FREM2: variants seen among roughly 807,000 people sequenced by gnomAD.
FREM2 encodes the protein FRAS1-related extracellular matrix protein 2.
A neutral mutation model predicts 219.9 loss-of-function variants in FREM2; 119 were observed. That is an observed-to-expected ratio of 0.54 (90% CI 0.47 to 0.63). The LOEUF (loss-of-function observed/expected upper bound fraction) is 0.63. FREM2 is among the 30% of genes least tolerant of loss of function. The pLI, the probability that FREM2 is intolerant of heterozygous loss-of-function variation, is 0.00. For synonymous variants in FREM2, 1,562 were observed against 1,522.8 expected (o/e 1.03, Z -0.60); for missense variants, 4,030 against 3,993.6 (o/e 1.01, Z -0.25).
intron 2 of FREM2, among the ~76,000 whole-genome samples, chr13:38,737,161 C>A (rs1379014297): frequency 6.6e-6 from 1 of 152,126 alleles, no homozygotes; most frequent in Non-Finnish European, 1.5e-5. Flanking sequence ...GACTATGTCA[C>A]CTTCATTTTT....
chr13:38,876,553 G>A (rs1326012271), intron 20 of FREM2, among the ~76,000 whole-genome samples, 171 bp downstream of exon 20: 3 of 152,122 alleles, frequency 2.0e-5, no homozygotes, highest in African/African-American at 4.8e-5. Flanking sequence ...GGAGAGATTT[G>A]CCCTTTATCT....
intron 11 of FREM2, 100 bp downstream of exon 11, chr13:38,851,968 C>A (rs938661423): frequency 1.9e-6 from 2 of 1,045,928 alleles, no homozygotes; most frequent in Non-Finnish European, 3.0e-6. Flanking sequence ...CAATTGAAAT[C>A]AAAATAGGGC....
chr13:38,727,031 G>T lies in FREM2; in HGVS notation c.5263+29244G>T, dbSNP rs1008127653. Reference sequence around the variant, plus strand: ...AAAATTCTTTATTGAATCTAATTAGGGTGCGAAGAAAGTATTGTTTTAATT... The same window carrying T: ...AAAATTCTTTATTGAATCTAATTAGTGTGCGAAGAAAGTATTGTTTTAATT... On this transcript the variant is annotated intron_variant, in intron 2 of 23. Transcript: ENST00000280481. 5.9e-5 allele frequency among the ~76,000 whole-genome samples: 9 copies of T among 152,152 alleles called. No individual in the cohort carries two copies. The East Asian group carries it at 1.7e-3, about 29-fold the overall frequency.
chr13:38,817,372 A>C (rs531843003), intron 6 of FREM2, among the ~76,000 whole-genome samples: 1 of 152,238 alleles, frequency 6.6e-6, no homozygotes, highest in Admixed American at 6.5e-5. Context: ...AGACACATAG[A>C]CCAATGGAAT....
intron 4 of FREM2, among the ~76,000 whole-genome samples, chr13:38,777,884 C>T (rs1873937708): frequency 6.6e-6 from 1 of 152,176 alleles, no homozygotes; most frequent in South Asian, 2.1e-4. Flanking sequence ...GATACTGGGC[C>T]TATTTACTCT....
rs74488708 is a variant in FREM2, at chr13:38,811,100, G to C, written c.6019+26292G>C. Among the ~76,000 whole-genome samples the C allele has an allele frequency of 6.9e-3, 1,049 of 151,552 alleles. 9 individuals carry two copies. The highest frequency in any genetic ancestry group is 0.024 in the African/African-American group (1,003 of 41,368). The stretch of plus-strand genomic sequence containing the variant: ...TTTCTTCTCTGTTTTCCAATTTATT[G>C]GCATATGGTTACTCATAGTCACTAA... On this transcript the variant is annotated intron_variant, in intron 6 of 23. Coordinates refer to ENST00000280481, the MANE Select transcript of FREM2 (RefSeq NM_207361.6).
chr13:38,762,354 A>C (rs1205139540), intron 2 of FREM2, among the ~76,000 whole-genome samples: 1 of 152,196 alleles, frequency 6.6e-6, no homozygotes, highest in Non-Finnish European at 1.5e-5. Flanking sequence ...GACATTGGGC[A>C]TAGTAAGTTT....
At chr13:38,789,367 A>G (rs773425521) in intron 6 of FREM2, among the ~76,000 whole-genome samples, 2 of 151,858 alleles carry the variant, frequency 1.3e-5, no homozygotes, top group Non-Finnish European at 2.9e-5. Context: ...AATTAATTAT[A>G]TTATCATAAA....
Position 38,742,468 on chromosome 13 carries a change from C to T in FREM2, c.5264-21836C>T, listed in dbSNP as rs538597490. On this transcript the variant is annotated intron_variant, in intron 2 of 23. Coordinates refer to ENST00000280481, the MANE Select transcript of FREM2 (RefSeq NM_207361.6). ...TCCCTGGCAGTATCGATTTTTGGGTCTTCCATGGTCCTTAGGTACAAATCA... is the reference window on the plus strand; with the variant it reads ...TCCCTGGCAGTATCGATTTTTGGGTTTTCCATGGTCCTTAGGTACAAATCA... Among the ~76,000 whole-genome samples the T allele has an allele frequency of 1.3e-4, 20 of 152,266 alleles. No individual in the cohort carries two copies. The South Asian group carries it at 4.1e-3, about 32-fold the overall frequency.
At chr13:38,860,573 A>G (rs946827679) in intron 14 of FREM2, among the ~76,000 whole-genome samples, 2 of 152,246 alleles carry the variant, frequency 1.3e-5, no homozygotes, top group African/African-American at 4.8e-5. Flanking sequence ...TCTCTCTTTT[A>G]ATAAATCAGA....
chr13:38,711,942 G>A (rs866120488), intron 2 of FREM2, among the ~76,000 whole-genome samples: 7 of 143,074 alleles, frequency 4.9e-5, no homozygotes, highest in Middle Eastern at 3.6e-3. Flanking sequence ...TTTTTTTGAG[G>A]GGATTCTCGC....
chr13:38,783,473 TAAAAAAAAAAAA>T (rs141521145), intron 5 of FREM2, among the ~76,000 whole-genome samples: 1 of 124,064 alleles, frequency 8.1e-6, no homozygotes, highest in Admixed American at 8.2e-5. Flanking sequence ...GGTTACTATA[TAAAAAAAAAAAA>T]AAAAAAAAAG....
chr13:38,837,495 TG>T (rs1876758409), intron 6 of FREM2, among the ~76,000 whole-genome samples: 2 of 152,172 alleles, frequency 1.3e-5, no homozygotes, highest in East Asian at 3.9e-4. Flanking sequence ...TGAATATCCT[TG>T]TTAATTTTCT....
At chr13:38,738,590 A>AG (rs1566123283) in intron 2 of FREM2, among the ~76,000 whole-genome samples, 1,694 of 147,258 alleles carry the variant, frequency 0.012, 48 homozygotes, top group African/African-American at 0.042. Flanking sequence ...AAAAAAAAAA[A>AG]AGAGAGATAG....
intron 2 of FREM2, among the ~76,000 whole-genome samples, chr13:38,741,344 C>G (rs928923138): frequency 3.3e-5 from 5 of 152,154 alleles, no homozygotes; most frequent in Non-Finnish European, 7.4e-5. Context: ...GCTCTCTTAA[C>G]ATATTTTCAA....
At position 38,731,409 on chromosome 13, in the gene FREM2, A is replaced by G. The variant is rs139765934; in HGVS notation, c.5264-32895A>G. 9.7e-3 allele frequency among the ~76,000 whole-genome samples: 1,478 copies of G among 152,300 alleles called. 20 individuals carry two copies. The highest frequency in any genetic ancestry group is 0.033 in the African/African-American group (1,392 of 41,570). On this transcript the variant is annotated intron_variant, in intron 2 of 23. Coordinates refer to ENST00000280481, the MANE Select transcript of FREM2 (RefSeq NM_207361.6). ...ACCAGTGAATATTGGCCAAGAAGCA[A>G]GTTTTCTGTTGAATGCATTAGCTTG...
chr13:38,785,216 G>A (rs951532668), intron 6 of FREM2, among the ~76,000 whole-genome samples: 8 of 151,900 alleles, frequency 5.3e-5, no homozygotes, highest in Admixed American at 3.3e-4. Context: ...GAAACCTGTC[G>A]GGCAAGGCTG....
chr13:38,692,237 T>G lies in FREM2; in HGVS notation c.4893T>G (p.Phe1631Leu), dbSNP rs1417321439. ...GCACCCATACAGACTTCTATGTTTT[T>G]CCTGATACGGTGTTTGAAACAAGGA... is the stretch of plus-strand genomic sequence containing the variant. ...TDGTHTDFYVFPDTVFETRRP... is the reference protein window; with the variant it reads ...TDGTHTDFYVLPDTVFETRRP... Residue 1631 changes from phenylalanine (F) to leucine (L), a missense_variant, in exon 1 of 24, where the codon TTT (phenylalanine) becomes TTG (leucine). This residue lies in a region of FREM2 where 3,102 missense variants were observed against 2,950.7 expected (regional missense o/e 1.05). Transcript: ENST00000280481. 1 of 1,614,212 alleles carries G rather than the reference T, an allele frequency of 6.2e-7. No homozygotes were observed. The highest frequency in any genetic ancestry group is 8.5e-7 in the Non-Finnish European group (1 of 1,180,042).
At chr13:38,695,552 G>C (rs1461199439) in intron 1 of FREM2, among the ~76,000 whole-genome samples, 1 of 152,172 alleles carries the variant, frequency 6.6e-6, no homozygotes, top group East Asian at 1.9e-4. Flanking sequence ...ATGCTAAACA[G>C]TGCCTTTTCT....
Sources: gnomAD v4.1 joint callset for allele counts (sites outside exome capture counted in the v4.1 genomes callset) on GRCh38, gnomAD v4.1.1 for gene constraint, gnomAD v4.1.1 regional missense constraint, MANE v1.5 for transcripts, NCBI Gene and HGNC (gene_info 2026-07-23, HGNC 2026-07-21) for gene names.